The following SOS1 variants were observed in gnomAD, a reference collection of about 807,000 sequenced individuals.
SOS1 encodes the protein SOS Ras/Rac guanine nucleotide exchange factor 1, also known as son of sevenless homolog 1.
Under a neutral mutation model 157.6 loss-of-function variants are expected in SOS1, and 25 were observed. The observed-to-expected ratio is 0.16, with a 90% CI of 0.12 to 0.22. SOS1 has a LOEUF of 0.22. Ranked by LOEUF, SOS1 falls within the 10% of genes least tolerant of loss-of-function variation. The pLI is 1.00. For synonymous variants in SOS1, 528 were observed against 534.0 expected, an observed-to-expected ratio of 0.99 and a Z score of 0.16; for missense variants, 1,237 against 1,599.1, an observed-to-expected ratio of 0.77 and a Z score of 3.86.
chr2:39,011,038 G>A (rs1210396419), intron 14 of SOS1, among the ~76,000 whole-genome samples: 1 of 151,772 alleles, frequency 6.6e-6, no homozygotes, highest in East Asian at 1.9e-4. Flanking sequence ...TGGGATTACA[G>A]GCGCCCGTCA....
At chr2:39,003,159 TAA>T (rs1669168433) in intron 17 of SOS1, among the ~76,000 whole-genome samples, 2 of 151,482 alleles carry the variant, frequency 1.3e-5, no homozygotes, top group African/African-American at 4.9e-5. Context: ...GATCAGCAGA[TAA>T]TTAGAGACCT....
chr2:39,063,673 T>C (rs2124620046), intron 2 of SOS1, among the ~76,000 whole-genome samples: 1 of 152,318 alleles, frequency 6.6e-6, no homozygotes, highest in South Asian at 2.1e-4. Flanking sequence ...CTATCTGTTT[T>C]CAAGTACTTT....
intron 6 of SOS1, among the ~76,000 whole-genome samples, chr2:39,044,136 C>A (rs1451059206): frequency 6.6e-6 from 1 of 152,158 alleles, no homozygotes; most frequent in Admixed American, 6.5e-5. Context: ...GCAGGTAGAT[C>A]ACTTGAGGCC....
At chr2:39,052,960 C>CA (rs755007361) in intron 5 of SOS1, among the ~76,000 whole-genome samples, 3 of 152,108 alleles carry the variant, frequency 2.0e-5, no homozygotes, top group Non-Finnish European at 4.4e-5. Context: ...CGAGACCAGC[C>CA]TGGTCAACAT....
At chr2:39,081,679 G>T (rs1672205131) in intron 1 of SOS1, among the ~76,000 whole-genome samples, 1 of 151,788 alleles carries the variant, frequency 6.6e-6, no homozygotes, top group South Asian at 2.1e-4. Context: ...ACAAAAATTA[G>T]CCAGGCTTGG....
At chr2:39,109,438 TG>T (rs761844380) in intron 1 of SOS1, among the ~76,000 whole-genome samples, 10 of 152,134 alleles carry the variant, frequency 6.6e-5, no homozygotes, top group Non-Finnish European at 1.2e-4. Flanking sequence ...AGCCCCAATA[TG>T]TAAAAGGGCT....
At chr2:39,097,127 G>A (rs534444906) in intron 1 of SOS1, among the ~76,000 whole-genome samples, 51 of 152,226 alleles carry the variant, frequency 3.4e-4, no homozygotes, top group African/African-American at 1.2e-3. Flanking sequence ...ATGAGGATCT[G>A]ACAGGAGACA....
Position 38,989,293 on chromosome 2 carries a change from T to G in SOS1, c.3368A>C (p.Gln1123Pro). ...ACTTGGGCCATGGGGCAGAGTAACT[T>G]GGATAAAGACGGTATCATTGCCTGT... Reference protein sequence around the residue: ...FHSSNDTVFIQVTLPHGPRSA... With the variant: ...FHSSNDTVFIPVTLPHGPRSA... Residue 1123 changes from glutamine to proline, a missense_variant, in exon 21 of 23, where the codon CAA (glutamine) becomes CCA (proline). Physicochemically the swap from Gln to Pro is moderately conservative, Grantham distance 76. Transcript: ENST00000402219. 6.2e-7 allele frequency: 1 copy of G among 1,607,832 alleles called. No individual in the cohort carries two copies. The highest frequency in any genetic ancestry group is 8.5e-7 in the Non-Finnish European group (1 of 1,174,598).
intron 16 of SOS1, 123 bp from the exon 17 acceptor site, chr2:39,006,652 T>C: frequency 1.4e-6 from 1 of 712,902 alleles, no homozygotes; most frequent in Non-Finnish European, 2.5e-6. Context: ...ACTGTAACAT[T>C]GCTTCAAATA....
chr2:39,056,774 C>A lies in SOS1; in HGVS notation c.438G>T (p.Gly146=). 1 of 1,598,432 alleles carries A rather than the reference C, an allele frequency of 6.3e-7. No individual in the cohort carries two copies. ...AATGCCGTATATTTCTTACATAATT[C>A]CCAACCAGCTTTAAAATGTCTGCAG... The part of the protein sequence containing the change: ...YISADILKLV[G]NYVRNIRHYE... Residue 146 remains glycine (G), a synonymous_variant, in exon 4 of 23, where the codon GGG becomes GGT. Coordinates refer to ENST00000402219, the MANE Select transcript of SOS1 (RefSeq NM_005633.4).
chr2:39,106,313 G>A (rs1192054071), intron 1 of SOS1, among the ~76,000 whole-genome samples: 4 of 152,040 alleles, frequency 2.6e-5, no homozygotes, highest in Middle Eastern at 6.8e-3. Flanking sequence ...CTGAGTGGCC[G>A]GGCGCGGTGG....
rs1669437371 is a variant in SOS1, at chr2:39,010,717, T to C, written c.2391-14A>G. 2 of 1,593,056 alleles carry C rather than the reference T, an allele frequency of 1.3e-6. No homozygotes were observed. Among genetic ancestry groups the C allele is most frequent in the African/African-American group, 1.3e-5 (1 of 74,472 alleles). Reference sequence around the variant, plus strand: ...GGCTGTACAGCTCTAAAATCATCAATACATAATTCTACATGACACTTTTTT... The same window carrying C: ...GGCTGTACAGCTCTAAAATCATCAACACATAATTCTACATGACACTTTTTT... On this transcript the variant is annotated splice_polypyrimidine_tract_variant and intron_variant, in intron 14 of 22. Coordinates refer to ENST00000402219, the MANE Select transcript of SOS1 (RefSeq NM_005633.4).
intron 14 of SOS1, 58 bp from the exon 15 acceptor site, chr2:39,010,761 T>A: frequency 7.3e-7 from 1 of 1,376,554 alleles, no homozygotes; most frequent in Non-Finnish European, 1.0e-6. Flanking sequence ...TAGACATTGT[T>A]TTATTAAGTA....
At chr2:39,075,227 T>A (rs1671929157) in intron 1 of SOS1, among the ~76,000 whole-genome samples, 1 of 152,068 alleles carries the variant, frequency 6.6e-6, no homozygotes, top group African/African-American at 2.4e-5. Context: ...AAGAAGGGCC[T>A]GTTAAGGTAG....
chr2:39,104,634 A>G (rs1187596153), intron 1 of SOS1, among the ~76,000 whole-genome samples: 6 of 152,238 alleles, frequency 3.9e-5, no homozygotes, highest in African/African-American at 1.4e-4. Flanking sequence ...AATTGCAAAT[A>G]GGGACTTAAA....
intron 8 of SOS1, among the ~76,000 whole-genome samples, chr2:39,031,460 G>A (rs1670157863): frequency 6.6e-6 from 1 of 152,062 alleles, no homozygotes; most frequent in African/African-American, 2.4e-5. Flanking sequence ...CCAGGTGTGG[G>A]GGCTCGCACC....
chr2:39,033,973 A>G (rs1401610278), intron 8 of SOS1, among the ~76,000 whole-genome samples: 2 of 152,180 alleles, frequency 1.3e-5, no homozygotes, highest in Non-Finnish European at 2.9e-5. Flanking sequence ...GAAAAATTCT[A>G]TATAACAAAA....
intron 17 of SOS1, among the ~76,000 whole-genome samples, chr2:38,997,952 T>C (rs894458817): frequency 2.0e-5 from 3 of 152,190 alleles, no homozygotes; most frequent in South Asian, 4.1e-4. Context: ...CAAGAGGTTG[T>C]TATGATTTGC....
chr2:39,000,870 A>T (rs1473796788), intron 17 of SOS1, among the ~76,000 whole-genome samples: 1 of 152,230 alleles, frequency 6.6e-6, no homozygotes, highest in African/African-American at 2.4e-5. Context: ...AGAGACATTT[A>T]AAAGACAGGC....
Sources: gnomAD v4.1 joint callset for allele counts (sites outside exome capture counted in the v4.1 genomes callset) on GRCh38, gnomAD v4.1.1 for gene constraint, MANE v1.5 for transcripts, NCBI Gene and HGNC (gene_info 2026-07-23, HGNC 2026-07-21) for gene names.